Variants in NCKAP5 observed in about 807,000 individuals in gnomAD.
NCKAP5 encodes NCK associated protein 5.
Under a neutral mutation model 167.0 loss-of-function variants are expected in NCKAP5, and 92 were observed. The ratio of observed to expected loss-of-function variants is 0.55; its 90% CI spans 0.47 to 0.66. The LOEUF is 0.66. NCKAP5 is among the 30% of genes least tolerant of loss of function. The probability of loss-of-function intolerance (pLI) is 0.00; values close to 1 mark genes in which losing one functional copy is unlikely to be tolerated. For missense variants in NCKAP5, 2,378 were observed against 2,315.0 expected (o/e 1.03, Z -0.56); for synonymous variants, 891 against 877.4 (o/e 1.02, Z -0.27).
At chr2:132,934,271 A>T (rs1030662254) in intron 8 of NCKAP5, among the ~76,000 whole-genome samples, 3 of 152,190 alleles carry the variant, frequency 2.0e-5, no homozygotes, top group African/African-American at 7.2e-5. Flanking sequence ...ATAATTCAAC[A>T]TAATAACAAT....
chr2:133,160,387 AT>A (rs1210087070), intron 5 of NCKAP5, among the ~76,000 whole-genome samples: 1 of 127,974 alleles, frequency 7.8e-6, no homozygotes, highest in Admixed American at 8.0e-5. Context: ...CAAAGACTCT[AT>A]TTCCCAATAA....
In NCKAP5 at chr2:133,533,118, T is replaced by C. The variant is rs547577832; in HGVS notation, c.-61-15531A>G. ...ATGGGGAAAATAAAGAGCTGAGTAA[T>C]TGGGCTAAGTCAGAGATTGCAAACC... On this transcript the variant is annotated intron_variant, in intron 2 of 19. Transcript: ENST00000409261. Among the ~76,000 whole-genome samples the C allele has an allele frequency of 2.2e-4, 33 of 152,302 alleles. No individual in the cohort carries two copies. The South Asian group carries it at 6.2e-3, about 29-fold the overall frequency.
the NCKAP5 span, among the ~76,000 whole-genome samples, chr2:133,655,697 T>G: frequency 6.6e-6 from 1 of 152,206 alleles, no homozygotes; most frequent in Non-Finnish European, 1.5e-5. Flanking sequence ...ATGCAACCAG[T>G]GGTTCTAACA....
chr2:133,162,679 GT>G (rs200357970), intron 5 of NCKAP5, among the ~76,000 whole-genome samples: 52 of 149,706 alleles, frequency 3.5e-4, no homozygotes, highest in Admixed American at 4.7e-4. Context: ...ATGCAACATT[GT>G]TTTTTTTTGT....
intron 8 of NCKAP5, among the ~76,000 whole-genome samples, chr2:132,909,851 T>G (rs1286807727): frequency 6.6e-6 from 1 of 152,228 alleles, no homozygotes; most frequent in Non-Finnish European, 1.5e-5. Context: ...TTTTTCTTCT[T>G]GGAGGGATAT....
At chr2:132,749,060 T>G (rs1437242889) in intron 16 of NCKAP5, among the ~76,000 whole-genome samples, 1 of 152,156 alleles carries the variant, frequency 6.6e-6, no homozygotes, top group East Asian at 1.9e-4. Flanking sequence ...TGAGCCATCA[T>G]GCCCAGCCGA....
intron 4 of NCKAP5, among the ~76,000 whole-genome samples, chr2:133,216,388 A>C (rs1434914291): frequency 6.6e-6 from 1 of 152,162 alleles, no homozygotes; most frequent in African/African-American, 2.4e-5. Context: ...GACTCCAAGA[A>C]TAAAACAAAG....
At chr2:133,643,680 T>A in the NCKAP5 span, among the ~76,000 whole-genome samples, 1 of 152,128 alleles carries the variant, frequency 6.6e-6, no homozygotes, top group African/African-American at 2.4e-5. Context: ...ACATTCAAAA[T>A]CATTTTCAAG....
intron 3 of NCKAP5, among the ~76,000 whole-genome samples, chr2:133,399,236 C>T (rs996757584): frequency 6.6e-6 from 1 of 151,892 alleles, no homozygotes; most frequent in Non-Finnish European, 1.5e-5. Flanking sequence ...AAGAGGCAGG[C>T]CAAGGGAACA....
At chr2:132,809,946 G>A (rs1256479423) in intron 11 of NCKAP5, among the ~76,000 whole-genome samples, 1 of 152,130 alleles carries the variant, frequency 6.6e-6, no homozygotes, top group Non-Finnish European at 1.5e-5. Context: ...AAGATTTAGA[G>A]CTCTTTTTAG....
At chr2:132,986,131 C>G (rs1338559241) in intron 7 of NCKAP5, among the ~76,000 whole-genome samples, 1 of 152,120 alleles carries the variant, frequency 6.6e-6, no homozygotes, top group African/African-American at 2.4e-5. Flanking sequence ...CAATTGAGCT[C>G]TCTTAAGAGT....
rs530491448 is a variant in NCKAP5 at position 133,448,762 on chromosome 2, C to T, written c.69+68696G>A. Among the ~76,000 whole-genome samples the T allele has an allele frequency of 3.9e-5, 6 of 152,258 alleles. No individual in the cohort carries two copies. The East Asian group carries it at 9.7e-4, about 25-fold the overall frequency. On this transcript the variant is annotated intron_variant, in intron 3 of 19. Coordinates refer to ENST00000409261, the MANE Select transcript of NCKAP5 (RefSeq NM_207363.3). ...TCAGGAGATCCTCCTACCTCAGCTT[C>T]CTGAGTAGCTGGGACTACAGGTGCA...
At chr2:133,468,916 G>C (rs1383561162) in intron 3 of NCKAP5, among the ~76,000 whole-genome samples, 1 of 152,162 alleles carries the variant, frequency 6.6e-6, no homozygotes, top group Non-Finnish European at 1.5e-5. Context: ...CTGAACGTAA[G>C]ATGGGTTTCC....
At chr2:133,617,875 G>A in the NCKAP5 span, among the ~76,000 whole-genome samples, 1 of 151,636 alleles carries the variant, frequency 6.6e-6, no homozygotes, top group Admixed American at 6.6e-5. Flanking sequence ...AACAAAGCTG[G>A]AGGCATCACA....
the NCKAP5 span, among the ~76,000 whole-genome samples, chr2:133,661,372 G>C: frequency 3.2e-3 from 494 of 152,090 alleles, 2 homozygotes; most frequent in African/African-American, 0.011. Context: ...GATATATTTT[G>C]GTCAGCTTAT....
chr2:133,258,564 C>G (rs2150361566), intron 4 of NCKAP5, among the ~76,000 whole-genome samples: 1 of 152,068 alleles, frequency 6.6e-6, no homozygotes. Flanking sequence ...TGCAACATGG[C>G]AAAACCCCGT....
At chr2:133,417,140 G>A (rs1296213486) in intron 3 of NCKAP5, among the ~76,000 whole-genome samples, 3 of 145,478 alleles carry the variant, frequency 2.1e-5, no homozygotes, top group African/African-American at 5.1e-5. Context: ...AAAAAAAAAA[G>A]GCAGTGTTTT....
At chr2:133,395,014 T>C (rs910978056) in intron 3 of NCKAP5, among the ~76,000 whole-genome samples, 1 of 152,236 alleles carries the variant, frequency 6.6e-6, no homozygotes, top group Non-Finnish European at 1.5e-5. Context: ...CTGCCAGTAG[T>C]AAATATCCCC....
At chr2:132,988,801 T>C (rs1220314274) in intron 7 of NCKAP5, among the ~76,000 whole-genome samples, 1 of 152,226 alleles carries the variant, frequency 6.6e-6, no homozygotes, top group East Asian at 1.9e-4. Flanking sequence ...AAAAAAGGAA[T>C]GTAATCCCCT....
Sources: allele counts gnomAD v4.1 joint callset (sites outside exome capture counted in the v4.1 genomes callset), GRCh38; gene constraint gnomAD v4.1.1; transcripts MANE v1.5; gene names NCBI Gene and HGNC (gene_info 2026-07-23, HGNC 2026-07-21).